Variants in MED27 observed in about 807,000 individuals in gnomAD.
MED27 encodes the protein mediator of RNA polymerase II transcription subunit 27.
In MED27, 30 loss-of-function variants were observed where a neutral mutation model predicts 38.2. The observed-to-expected ratio is 0.79, with a 90% CI of 0.59 to 1.07. The LOEUF (loss-of-function observed/expected upper bound fraction) is 1.07, where lower values mean the gene tolerates loss of function less well. Among genes scored for constraint, MED27 ranks in the 50% least tolerant of loss-of-function variants. The pLI is 0.00. For missense variants in MED27, 289 were observed against 397.5 expected (o/e 0.73, Z 2.32); for synonymous variants, 122 against 153.5 (o/e 0.79, Z 1.52).
At chr9:131,888,598 G>A (rs1161874329) in intron 5 of MED27, among the ~76,000 whole-genome samples, 1 of 152,120 alleles carries the variant, frequency 6.6e-6, no homozygotes, top group Non-Finnish European at 1.5e-5. Flanking sequence ...AAAAAACAGT[G>A]GAATCGATTC....
rs149737801 is a variant in MED27, at chr9:131,860,829, G to A, written c.802-157C>T. On this transcript the variant is annotated intron_variant, in intron 7 of 7. Transcript: ENST00000292035. This position sits in a 1 kb window ranked among gnomAD's most constrained non-coding sequence, Gnocchi z 5.8. Reference sequence around the variant, plus strand: ...AGGGAGCAGCAGGCGGAACCCACAAGGTCACCTGACTGCTGATGTTCACGT... The same window carrying A: ...AGGGAGCAGCAGGCGGAACCCACAAAGTCACCTGACTGCTGATGTTCACGT... 2.4e-4 allele frequency among the ~76,000 whole-genome samples: 37 copies of A among 152,274 alleles called. No homozygotes were observed. The highest frequency in any genetic ancestry group is 8.2e-4 in the African/African-American group (34 of 41,566).
intron 2 of MED27, among the ~76,000 whole-genome samples, chr9:132,052,022 C>T (rs1386496504): frequency 1.3e-5 from 2 of 152,128 alleles, no homozygotes; most frequent in Admixed American, 1.3e-4. Flanking sequence ...CCATTCAATC[C>T]GTGACTTGCC....
chr9:132,031,173 G>A (rs1002332860), intron 2 of MED27, among the ~76,000 whole-genome samples: 1 of 152,194 alleles, frequency 6.6e-6, no homozygotes, highest in Non-Finnish European at 1.5e-5. Context: ...GAAGCCAGGT[G>A]GTGTCCTCTC....
intron 3 of MED27, among the ~76,000 whole-genome samples, chr9:131,954,188 G>C (rs1021425500): frequency 4.6e-5 from 7 of 152,212 alleles, no homozygotes; most frequent in African/African-American, 7.2e-5. Context: ...GGAGTGGCCA[G>C]GGTGTTTAGG....
chr9:131,957,917 G>GA (rs1442487257), intron 3 of MED27, among the ~76,000 whole-genome samples: 2 of 149,788 alleles, frequency 1.3e-5, no homozygotes, highest in East Asian at 3.9e-4. Flanking sequence ...AAAAAAGAAA[G>GA]AAAAAAAAGA....
intron 5 of MED27, among the ~76,000 whole-genome samples, chr9:131,888,258 C>T (rs556847484): frequency 1.8e-4 from 27 of 152,216 alleles, no homozygotes; most frequent in Non-Finnish European, 2.8e-4. Context: ...GTTGATAAAA[C>T]CATTTCCAAT....
At position 131,944,190 on chromosome 9, in the gene MED27, C is replaced by T. The variant is rs139261993; in HGVS notation, c.480-4716G>A. Among the ~76,000 whole-genome samples, 22 of 152,296 alleles carry T rather than the reference C, an allele frequency of 1.4e-4. No homozygotes were observed. In the East Asian group the frequency reaches 3.9e-3, roughly 27 times the overall value. The stretch of plus-strand genomic sequence containing the variant: ...TTCTAATTTTCTTCAAGTAGCCCAG[C>T]TTGCTCCTTTCAATGGCCTTAGTCC... On this transcript the variant is annotated intron_variant, in intron 3 of 7. Transcript: ENST00000292035.
At chr9:132,023,544 C>G (rs957080548) in intron 2 of MED27, among the ~76,000 whole-genome samples, 1 of 152,116 alleles carries the variant, frequency 6.6e-6, no homozygotes, top group Non-Finnish European at 1.5e-5. Context: ...CTTTAAGCAC[C>G]ATTTTCATTA....
chr9:132,011,949 CTTT>C (rs55947789), intron 3 of MED27, among the ~76,000 whole-genome samples: 163 of 138,550 alleles, frequency 1.2e-3, no homozygotes, highest in Non-Finnish European at 1.3e-3. Context: ...ACCTCTCGCT[CTTT>C]TTTTTTTTTT....
chr9:131,997,543 G>A lies in MED27; in HGVS notation c.479+16794C>T, dbSNP rs375822871. Reference sequence around the variant, plus strand: ...AGGCGTTGCCAGCCCTGCACTGTAGGCTGCCATCTCCCCCAGCAGTCCTGC... The same window carrying A: ...AGGCGTTGCCAGCCCTGCACTGTAGACTGCCATCTCCCCCAGCAGTCCTGC... On this transcript the variant is annotated intron_variant, in intron 3 of 7. Coordinates refer to ENST00000292035, the MANE Select transcript of MED27 (RefSeq NM_004269.4). This position sits in a 1 kb window ranked among gnomAD's most constrained non-coding sequence, Gnocchi z 4.0. Among the ~76,000 whole-genome samples, 5 of 152,176 alleles carry A rather than the reference G, an allele frequency of 3.3e-5. No individual in the cohort carries two copies. Among genetic ancestry groups the A allele is most frequent in the East Asian group, 3.8e-4 (2 of 5,196 alleles).
At position 131,893,875 on chromosome 9, in the gene MED27, CA is replaced by C; in HGVS notation, c.681+9del. The C allele has an allele frequency of 6.2e-7, 1 of 1,603,424 alleles. No individual in the cohort carries two copies. Among genetic ancestry groups the C allele is most frequent in the Non-Finnish European group, 8.5e-7 (1 of 1,170,796 alleles). On this transcript the variant is annotated intron_variant, in intron 5 of 7. Coordinates refer to ENST00000292035, the MANE Select transcript of MED27 (RefSeq NM_004269.4). ...AAACCAAGGAACACACAAGACTGCA[CA>C]ATGCTTACCTTGCCATCTTCTGTGT...
intron 3 of MED27, among the ~76,000 whole-genome samples, chr9:131,994,755 T>C (rs953120420): frequency 1.3e-5 from 2 of 152,230 alleles, no homozygotes; most frequent in African/African-American, 4.8e-5. Flanking sequence ...GAGTTCTGAC[T>C]TAGGGCAAGT....
At chr9:131,922,882 G>A (rs1039235507) in intron 4 of MED27, among the ~76,000 whole-genome samples, 1 of 152,038 alleles carries the variant, frequency 6.6e-6, no homozygotes, top group East Asian at 1.9e-4. Context: ...CCAAAGTGCT[G>A]GGATTACAGG....
intron 2 of MED27, among the ~76,000 whole-genome samples, chr9:132,066,413 C>T (rs1439762262): frequency 6.6e-6 from 1 of 152,206 alleles, no homozygotes; most frequent in Non-Finnish European, 1.5e-5. Flanking sequence ...TCAGAAACAG[C>T]CTCCAATTCC....
At chr9:131,892,848 GA>G (rs1839251303) in intron 5 of MED27, among the ~76,000 whole-genome samples, 1 of 152,208 alleles carries the variant, frequency 6.6e-6, no homozygotes, top group South Asian at 2.1e-4. Context: ...AAAGAAAAAG[GA>G]AATCTCCCCT....
chr9:131,906,656 G>T (rs1029465778), intron 4 of MED27, among the ~76,000 whole-genome samples: 2 of 152,224 alleles, frequency 1.3e-5, no homozygotes, highest in African/African-American at 4.8e-5. Context: ...GACCAGGAGA[G>T]GGAATGATGG....
intron 2 of MED27, among the ~76,000 whole-genome samples, chr9:132,076,075 A>G (rs1005906850): frequency 7.2e-5 from 11 of 152,160 alleles, no homozygotes; most frequent in African/African-American, 2.4e-4. Context: ...AGAACTATGT[A>G]TATCCACAGC....
intron 6 of MED27, chr9:131,869,170 G>C: frequency 1.0e-6 from 1 of 985,374 alleles, no homozygotes; most frequent in Non-Finnish European, 1.2e-6. Context: ...AGGAAACAGA[G>C]CTGATGAACT....
chr9:131,866,466 T>TG (rs763594467), intron 6 of MED27, among the ~76,000 whole-genome samples: 1 of 152,168 alleles, frequency 6.6e-6, no homozygotes, highest in African/African-American at 2.4e-5. Flanking sequence ...CTCTTCCCCC[T>TG]GCCTCATACC....
Sources: allele counts gnomAD v4.1 joint callset (sites outside exome capture counted in the v4.1 genomes callset), GRCh38; gene constraint gnomAD v4.1.1; non-coding constraint Gnocchi (gnomAD v3.1); transcripts MANE v1.5; gene names NCBI Gene and HGNC (gene_info 2026-07-23, HGNC 2026-07-21).